Variants in RPTOR observed in about 807,000 individuals in gnomAD.
The protein encoded by RPTOR is regulatory-associated protein of mTOR.
A neutral mutation model predicts 169.9 loss-of-function variants in RPTOR; 21 were observed. The observed-to-expected ratio is 0.12, with a 90% confidence interval of 0.09 to 0.18. RPTOR has a LOEUF of 0.18. RPTOR is among the 10% of genes least tolerant of loss of function. The pLI is 1.00. For missense variants in RPTOR, 1,133 were observed against 1,855.9 expected (o/e 0.61, Z 7.16); for synonymous variants, 732 against 753.2 (o/e 0.97, Z 0.46).
intron 3 of RPTOR, among the ~76,000 whole-genome samples, chr17:80,701,531 G>A (rs2143064618): frequency 6.6e-6 from 1 of 152,264 alleles, no homozygotes; most frequent in Non-Finnish European, 1.5e-5. Flanking sequence ...CATTTCCCTG[G>A]AAATCTTTGC....
In RPTOR at chr17:80,784,671, G is replaced by A. The variant is rs182953859; in HGVS notation, c.831-6779G>A. Among the ~76,000 whole-genome samples, 315 of 149,838 alleles carry A rather than the reference G, an allele frequency of 2.1e-3. 2 individuals carry two copies. Among genetic ancestry groups the A allele is most frequent in the Middle Eastern group, 3.7e-3 (1 of 272 alleles). ...GCCCCCCAAAGTGCTGGGATTACAG[G>A]CATGAGCCACTGTGCCCGGCCTATT... On this transcript the variant is annotated intron_variant, in intron 6 of 33. Coordinates refer to ENST00000306801, the MANE Select transcript of RPTOR (RefSeq NM_020761.3).
rs2143981162 is a variant in RPTOR at position 80,923,546 on chromosome 17, A to G, written c.2681A>G (p.Lys894Arg). The G allele has an allele frequency of 1.2e-6, 2 of 1,613,354 alleles. No individual in the cohort carries two copies. The highest frequency in any genetic ancestry group is 1.7e-6 in the Non-Finnish European group (2 of 1,179,998). Residue 894 changes from lysine (K) to arginine (R), a missense_variant, in exon 23 of 34, where the codon AAG becomes AGG. Physicochemically the swap from Lys to Arg is conservative, Grantham distance 26. Around this residue, in one of 9 missense-constraint regions of RPTOR, gnomAD observed 123 missense variants for 129.0 expected, o/e 0.95. Coordinates refer to ENST00000306801, the MANE Select transcript of RPTOR (RefSeq NM_020761.3). ...SSSSLTNDVA[K>R]QPVSRDLPSG... ...TCCAGCCTGACCAACGATGTGGCCA[A>G]GCAGCCGGTCAGCCGAGACTTGCCT...
At position 80,875,603 on chromosome 17, in the gene RPTOR, G is replaced by A. The variant is rs144323183; in HGVS notation, c.1510-4812G>A. Among the ~76,000 whole-genome samples, 21 of 152,332 alleles carry A rather than the reference G, an allele frequency of 1.4e-4. No individual in the cohort carries two copies. In the East Asian group the frequency reaches 3.9e-3, roughly 28 times the overall value. ...GCAAGATGGAGCCTGTTGAGAGGGC[G>A]GCTTTGGCAGATTCACGCTGCCGGC... On this transcript the variant is annotated intron_variant, in intron 13 of 33. Transcript: ENST00000306801.
chr17:80,743,783 A>T (rs199689128), intron 5 of RPTOR, among the ~76,000 whole-genome samples: 13,305 of 59,578 alleles, frequency 0.22, 1,744 homozygotes, highest in East Asian at 0.39. Context: ...TTACTAGCAG[A>T]GCCCTGGCTA....
At chr17:80,882,806 C>G (rs1191561137) in intron 14 of RPTOR, among the ~76,000 whole-genome samples, 1 of 152,180 alleles carries the variant, frequency 6.6e-6, no homozygotes, top group Non-Finnish European at 1.5e-5. Context: ...ACTCAGGTAC[C>G]CTGGGAGCCC....
At chr17:80,885,172 G>A in intron 17 of RPTOR, 24 bp downstream of exon 17, 1 of 1,547,826 alleles carries the variant, frequency 6.5e-7, no homozygotes, top group Non-Finnish European at 8.7e-7. Flanking sequence ...CAGCCCGGCA[G>A]CAGCAGGGCA....
intron 14 of RPTOR, among the ~76,000 whole-genome samples, chr17:80,882,871 C>A (rs542951612): frequency 6.6e-6 from 1 of 152,176 alleles, no homozygotes; most frequent in Non-Finnish European, 1.5e-5. Context: ...GACACTAGAC[C>A]GCGCGACGTG....
intron 13 of RPTOR, among the ~76,000 whole-genome samples, chr17:80,866,541 A>G (rs892743310): frequency 1.3e-5 from 2 of 152,242 alleles, no homozygotes; most frequent in African/African-American, 2.4e-5. Context: ...ACTGTGAAAC[A>G]CCACCCTGAC....
At chr17:80,649,041 G>A (rs1468955643) in intron 3 of RPTOR, among the ~76,000 whole-genome samples, 10 of 152,182 alleles carry the variant, frequency 6.6e-5, no homozygotes, top group Non-Finnish European at 1.3e-4. Flanking sequence ...CCCAGTCTTG[G>A]TTATGTCTTT....
intron 1 of RPTOR, among the ~76,000 whole-genome samples, chr17:80,606,953 G>A (rs1325966180): frequency 1.4e-4 from 22 of 152,164 alleles, no homozygotes; most frequent in Admixed American, 1.4e-3. Flanking sequence ...GAGCTACTCA[G>A]GTTAAGGATG....
At chr17:80,939,345 GCACA>G (rs2068994488) in intron 24 of RPTOR, among the ~76,000 whole-genome samples, 3 of 152,208 alleles carry the variant, frequency 2.0e-5, no homozygotes, top group South Asian at 4.1e-4. Flanking sequence ...ACATGTGCGT[GCACA>G]CACACAGACA....
In RPTOR at chr17:80,940,485, T is replaced by G; in HGVS notation, c.2920-11T>G. 6.2e-7 allele frequency: 1 copy of G among 1,611,440 alleles called. No homozygotes were observed. The highest frequency in any genetic ancestry group is 8.5e-7 in the Non-Finnish European group (1 of 1,178,492). ...TCGCTGGGCTTAACTGGGTGTTTTC[T>G]GTTGTTGAAGATCCCAGAAGAGCAC... On this transcript the variant is annotated splice_polypyrimidine_tract_variant and intron_variant, in intron 24 of 33. Transcript: ENST00000306801.
chr17:80,735,965 A>C (rs1368471472), intron 5 of RPTOR, among the ~76,000 whole-genome samples: 2 of 152,242 alleles, frequency 1.3e-5, no homozygotes, highest in Non-Finnish European at 2.9e-5. Flanking sequence ...TGAGTTCAGG[A>C]GTTCAAGACC....
In RPTOR at chr17:80,695,362, G is replaced by T. The variant is rs1488258245; in HGVS notation, c.349-12479G>T. Among the ~76,000 whole-genome samples the T allele has an allele frequency of 6.6e-6, 1 of 152,204 alleles. No homozygotes were observed. The highest frequency in any genetic ancestry group is 6.5e-5 in the Admixed American group (1 of 15,284). The stretch of plus-strand genomic sequence containing the variant: ...ATTGAGGTTTGGTTTTGTTCATGAC[G>T]TTGCCAGGTCGAATGGCTGGTGAAT... On this transcript the variant is annotated intron_variant, in intron 3 of 33. Transcript: ENST00000306801. This position sits in a 1 kb window ranked among gnomAD's most constrained non-coding sequence, Gnocchi z 4.9.
rs1430096938 is a variant in RPTOR at position 80,726,804 on chromosome 17, A to T, written c.508-3756A>T. Among the ~76,000 whole-genome samples the T allele has an allele frequency of 6.6e-6, 1 of 152,180 alleles. No individual in the cohort carries two copies. The highest frequency in any genetic ancestry group is 1.5e-5 in the Non-Finnish European group (1 of 68,032). The stretch of plus-strand genomic sequence containing the variant: ...CACGCAGTGTTCTGGGGGTAAAAAG[A>T]TACACCCATGTCCCAGGCTGCTGCC... On this transcript the variant is annotated intron_variant, in intron 4 of 33. Coordinates refer to ENST00000306801, the MANE Select transcript of RPTOR (RefSeq NM_020761.3). The surrounding 1 kb of genome is among the most constrained non-coding windows in gnomAD (Gnocchi z 4.5).
chr17:80,851,342 C>T (rs1340990153), intron 11 of RPTOR, among the ~76,000 whole-genome samples: 2 of 152,144 alleles, frequency 1.3e-5, no homozygotes, highest in Non-Finnish European at 2.9e-5. Flanking sequence ...TGGTCCGGAA[C>T]AGGAGGTTTT....
chr17:80,965,349 G>A lies in RPTOR; in HGVS notation c.*1019G>A, dbSNP rs2069413185. On this transcript the variant is annotated 3_prime_UTR_variant, in exon 34 of 34. Coordinates refer to ENST00000306801, the MANE Select transcript of RPTOR (RefSeq NM_020761.3). ...AAGAGGCACTGCCGGGTCCCGGACG[G>A]CTCCGGGTGACACCAGCCCCGTCTC... The A allele has an allele frequency of 4.3e-6, 1 of 233,342 alleles. No individual in the cohort carries two copies. The highest frequency in any genetic ancestry group is 6.0e-5 in the East Asian group (1 of 16,580). 14.5% of individuals were successfully genotyped at this position (233,342 alleles called of 1,614,324 possible). A position where few individuals can be genotyped will look rare whatever the true frequency, so the allele number is the denominator to read the frequency against.
Position 80,936,751 on chromosome 17 carries a change from C to T in RPTOR, c.2920-3745C>T, listed in dbSNP as rs960356377. On this transcript the variant is annotated intron_variant, in intron 24 of 33. Transcript: ENST00000306801. The surrounding 1 kb of genome is among the most constrained non-coding windows in gnomAD (Gnocchi z 4.1). ...TTACATCTTCATCAACCTCATGTTG[C>T]GGGGAGAAGAAACTCTTTTCCCTCT... 2.0e-5 allele frequency among the ~76,000 whole-genome samples: 3 copies of T among 152,192 alleles called. No individual in the cohort carries two copies. The highest frequency in any genetic ancestry group is 4.4e-5 in the Non-Finnish European group (3 of 68,030).
intron 5 of RPTOR, among the ~76,000 whole-genome samples, chr17:80,740,142 G>A (rs1275483655): frequency 6.6e-6 from 1 of 152,128 alleles, no homozygotes; most frequent in Non-Finnish European, 1.5e-5. Context: ...CAGCAACTGA[G>A]AGGAAATGGA....
Sources: allele counts gnomAD v4.1 joint callset (sites outside exome capture counted in the v4.1 genomes callset), GRCh38; gene constraint gnomAD v4.1.1; regional missense constraint gnomAD v4.1.1; non-coding constraint Gnocchi (gnomAD v3.1); transcripts MANE v1.5; gene names NCBI Gene and HGNC (gene_info 2026-07-23, HGNC 2026-07-21).